Variants in TAB2 observed in about 807,000 individuals in gnomAD.
TAB2 encodes the protein TGF-beta-activated kinase 1 and MAP3K7-binding protein 2.
In TAB2, 3 loss-of-function variants were observed where a neutral mutation model predicts 65.0. The ratio of observed to expected loss-of-function variants is 0.05; its 90% CI spans 0.02 to 0.12. The LOEUF is 0.12. TAB2 is among the 10% of genes least tolerant of loss of function. The pLI is 1.00. For missense variants in TAB2, 623 were observed against 840.3 expected, an observed-to-expected ratio of 0.74 and a Z score of 3.20; for synonymous variants, 298 against 285.1, an observed-to-expected ratio of 1.05 and a Z score of -0.46.
intron 1 of TAB2, among the ~76,000 whole-genome samples, chr6:149,218,992 G>A (rs1450123712): frequency 2.0e-5 from 3 of 152,308 alleles, no homozygotes; most frequent in African/African-American, 4.8e-5. Flanking sequence ...AAAAGAAAGA[G>A]CTGTGTCCAG....
rs763258079 is a variant in TAB2 at position 149,400,573 on chromosome 6, G to A, written c.1939+1389G>A. On this transcript the variant is annotated intron_variant, in intron 6 of 6. Transcript: ENST00000637181. ...TTGTCAGTGAAGCAGATCAGATTCC[G>A]ATTTGGTGGGCAACCAATCAGTGGA... 48 of 1,614,086 alleles carry A rather than the reference G, an allele frequency of 3.0e-5. No homozygotes were observed. Among genetic ancestry groups the A allele is most frequent in the South Asian group, 1.2e-4 (11 of 91,086 alleles).
intron 3 of TAB2, among the ~76,000 whole-genome samples, chr6:149,392,139 AGGGGGCGGGGGGGC>A (rs1214782469): frequency 1.4e-4 from 1 of 7,210 alleles, no homozygotes; most frequent in African/African-American, 6.2e-4. Flanking sequence ...TTTTTTTGGC[AGGGGGCGGGGGGGC>A]GGGGGTGGAC....
At chr6:149,260,864 C>T (rs1216858709) in intron 1 of TAB2, among the ~76,000 whole-genome samples, 3 of 152,170 alleles carry the variant, frequency 2.0e-5, no homozygotes, top group Admixed American at 1.3e-4. Context: ...AAAACAAAAC[C>T]TTCGTTTCCC....
intron 1 of TAB2, among the ~76,000 whole-genome samples, chr6:149,347,428 TA>T (rs1190743780): frequency 9.8e-5 from 15 of 152,300 alleles, no homozygotes; most frequent in African/African-American, 3.6e-4. Context: ...CTTATAAAAT[TA>T]AGAAATCTAG....
At chr6:149,366,350 A>G (rs543336963) in intron 1 of TAB2, among the ~76,000 whole-genome samples, 1 of 152,222 alleles carries the variant, frequency 6.6e-6, no homozygotes, top group African/African-American at 2.4e-5. Context: ...GCACATATGT[A>G]TAGTTTGGAG....
In TAB2 at chr6:149,339,312, T is replaced by A. The variant is rs547926907; in HGVS notation, c.-90+21297T>A. On this transcript the variant is annotated intron_variant, in intron 1 of 6. Coordinates refer to ENST00000637181, the MANE Select transcript of TAB2 (RefSeq NM_001292034.3). Reference sequence around the variant, plus strand: ...GGGGTTGCAGAAGCGGAGGTTGCAGTGAGCCAAGATCACACCACTGCACTC... The same window carrying A: ...GGGGTTGCAGAAGCGGAGGTTGCAGAGAGCCAAGATCACACCACTGCACTC... 1.9e-3 allele frequency among the ~76,000 whole-genome samples: 283 copies of A among 151,952 alleles called. 1 individual carries two copies. Among genetic ancestry groups the A allele is most frequent in the African/African-American group, 6.4e-3 (265 of 41,434 alleles).
At chr6:149,277,152 C>G (rs542949111) in intron 1 of TAB2, among the ~76,000 whole-genome samples, 7 of 152,156 alleles carry the variant, frequency 4.6e-5, no homozygotes, top group African/African-American at 1.7e-4. Flanking sequence ...AACCTCTTTA[C>G]TTTATAAATT....
At chr6:149,260,041 C>T in intron 1 of TAB2, among the ~76,000 whole-genome samples, 1 of 152,204 alleles carries the variant, frequency 6.6e-6, no homozygotes, top group South Asian at 2.1e-4. Context: ...TCAATCATCC[C>T]CAAGAGGAAG....
intron 2 of TAB2, among the ~76,000 whole-genome samples, chr6:149,373,388 G>T (rs1055387273): frequency 6.6e-6 from 1 of 152,140 alleles, no homozygotes; most frequent in African/African-American, 2.4e-5. Flanking sequence ...TAAGTGCCAT[G>T]TACTTAGTGG....
chr6:149,249,080 A>G (rs1206691115), intron 1 of TAB2, among the ~76,000 whole-genome samples: 3 of 151,826 alleles, frequency 2.0e-5, no homozygotes, highest in African/African-American at 7.3e-5. Flanking sequence ...AAAGTTTACT[A>G]TACTACAGTC....
intron 1 of TAB2, among the ~76,000 whole-genome samples, chr6:149,321,697 C>G (rs938965407): frequency 6.6e-6 from 1 of 152,116 alleles, no homozygotes; most frequent in Non-Finnish European, 1.5e-5. Context: ...ACTTTATTTC[C>G]TATTCCTTAG....
At chr6:149,355,272 G>A (rs1233218095) in intron 1 of TAB2, among the ~76,000 whole-genome samples, 1 of 152,114 alleles carries the variant, frequency 6.6e-6, no homozygotes, top group East Asian at 1.9e-4. Flanking sequence ...AAGTTTTAAT[G>A]TCTGCATAAT....
chr6:149,403,250 ATATATAT>A (rs1562456193), intron 6 of TAB2, among the ~76,000 whole-genome samples: 3 of 15,528 alleles, frequency 1.9e-4, no homozygotes, highest in African/African-American at 9.7e-4. Context: ...AAAAAAAAAT[ATATATAT>A]ATATATATAT....
chr6:149,238,718 A>C (rs978485431), intron 1 of TAB2, among the ~76,000 whole-genome samples: 4 of 152,176 alleles, frequency 2.6e-5, no homozygotes, highest in Non-Finnish European at 2.9e-5. Flanking sequence ...CAAAGCCTGC[A>C]CATCCCGGAA....
At chr6:149,360,381 C>G (rs478531) in intron 1 of TAB2, among the ~76,000 whole-genome samples, 2 of 152,024 alleles carry the variant, frequency 1.3e-5, no homozygotes, top group Non-Finnish European at 2.9e-5. Context: ...CAATCATGGC[C>G]GAAGGCACAG....
chr6:149,346,263 TGCACGCATGCACACAC>T, intron 1 of TAB2, among the ~76,000 whole-genome samples: 1 of 152,168 alleles, frequency 6.6e-6, no homozygotes, highest in Non-Finnish European at 1.5e-5. Flanking sequence ...CGCCCACGCA[TGCACGCATGCACACAC>T]ACACACCCCT....
intron 1 of TAB2, among the ~76,000 whole-genome samples, chr6:149,339,078 G>A (rs1780020517): frequency 6.6e-6 from 1 of 152,124 alleles, no homozygotes; most frequent in South Asian, 2.1e-4. Context: ...AGAAAATCTA[G>A]GATATGACCG....
chr6:149,403,389 T>C (rs1782550923), intron 6 of TAB2, among the ~76,000 whole-genome samples: 1 of 137,654 alleles, frequency 7.3e-6, no homozygotes, highest in Admixed American at 7.4e-5. Flanking sequence ...CATACACATA[T>C]AGAAGGAACT....
At chr6:149,388,929 A>G (rs1411694144) in intron 3 of TAB2, among the ~76,000 whole-genome samples, 1 of 146,568 alleles carries the variant, frequency 6.8e-6, no homozygotes, top group Non-Finnish European at 1.5e-5. Context: ...ATATTCCAAG[A>G]TTTTGAAAAA....
Sources: gnomAD v4.1 joint callset for allele counts (sites outside exome capture counted in the v4.1 genomes callset) on GRCh38, gnomAD v4.1.1 for gene constraint, MANE v1.5 for transcripts, NCBI Gene and HGNC (gene_info 2026-07-23, HGNC 2026-07-21) for gene names.